Variants in GABRG3 observed in about 807,000 individuals in gnomAD.
GABRG3 encodes gamma-aminobutyric acid type A receptor subunit gamma3, also known as gamma-aminobutyric acid receptor subunit gamma-3.
Under a neutral mutation model 48.8 loss-of-function variants are expected in GABRG3, and 25 were observed. The ratio of observed to expected loss-of-function variants is 0.51; its 90% CI spans 0.37 to 0.72. The LOEUF (loss-of-function observed/expected upper bound fraction) is 0.72. Among genes scored for constraint, GABRG3 ranks in the 30% least tolerant of loss-of-function variants. The probability of loss-of-function intolerance (pLI) is 0.00; values close to 1 mark genes in which losing one functional copy is unlikely to be tolerated. For missense variants in GABRG3, 394 were observed against 577.9 expected (o/e 0.68, Z 3.26); for synonymous variants, 227 against 217.6 (o/e 1.04, Z -0.38).
At chr15:27,294,634 G>A (rs1891916662) in intron 3 of GABRG3, among the ~76,000 whole-genome samples, 1 of 152,182 alleles carries the variant, frequency 6.6e-6, no homozygotes, top group Admixed American at 6.5e-5. Context: ...CAGGAAGCTT[G>A]TTAGAAAGCA....
intron 5 of GABRG3, among the ~76,000 whole-genome samples, chr15:27,379,445 T>C (rs1895698167): frequency 2.0e-5 from 3 of 152,222 alleles, no homozygotes; most frequent in Admixed American, 6.5e-5. Context: ...AACAAACTAT[T>C]ATCTGTCAGA....
At chr15:27,067,265 G>T (rs1281817975) in intron 3 of GABRG3, among the ~76,000 whole-genome samples, 1 of 152,176 alleles carries the variant, frequency 6.6e-6, no homozygotes, top group African/African-American at 2.4e-5. Context: ...TCAGCTCTCT[G>T]CCTTCTCCTG....
intron 2 of GABRG3, among the ~76,000 whole-genome samples, chr15:27,017,180 C>G (rs916643575): frequency 2.6e-5 from 4 of 152,190 alleles, no homozygotes; most frequent in African/African-American, 9.6e-5. Context: ...GAAGGACTTT[C>G]ACCAGTCAGC....
intron 3 of GABRG3, among the ~76,000 whole-genome samples, chr15:27,070,834 AG>A (rs1221417741): frequency 6.6e-6 from 1 of 152,214 alleles, no homozygotes; most frequent in Non-Finnish European, 1.5e-5. Flanking sequence ...TTCTGAATTT[AG>A]AAAATGAGAA....
At position 27,128,982 on chromosome 15, in the gene GABRG3, CTA is replaced by C. The variant is rs530328996; in HGVS notation, c.270+102162_270+102163del. Among the ~76,000 whole-genome samples, 49 of 152,086 alleles carry C rather than the reference CTA, an allele frequency of 3.2e-4. 1 individual carries two copies. In the South Asian group the frequency reaches 0.01, roughly 32 times the overall value. Reference sequence around the variant, plus strand: ...TAAGTTCTCACATATTTAGATAAAACTAAAAATAATTTAAGTCAATATTGGAG... The same window carrying C: ...TAAGTTCTCACATATTTAGATAAAACAAAATAATTTAAGTCAATATTGGAG... On this transcript the variant is annotated intron_variant, in intron 3 of 9. Coordinates refer to ENST00000615808, the MANE Select transcript of GABRG3 (RefSeq NM_033223.5).
chr15:27,124,117 A>G (rs1439738483), intron 3 of GABRG3, among the ~76,000 whole-genome samples: 1 of 152,196 alleles, frequency 6.6e-6, no homozygotes, highest in Non-Finnish European at 1.5e-5. Flanking sequence ...AGATCACAGA[A>G]GAATGGTCTG....
chr15:27,515,400 C>T (rs923212967), intron 6 of GABRG3, among the ~76,000 whole-genome samples: 9 of 152,092 alleles, frequency 5.9e-5, no homozygotes, highest in African/African-American at 2.2e-4. Context: ...GCTGGAACTT[C>T]TTTTTATAAA....
At chr15:27,213,821 C>T (rs1232699396) in intron 3 of GABRG3, among the ~76,000 whole-genome samples, 1 of 152,224 alleles carries the variant, frequency 6.6e-6, no homozygotes, top group Non-Finnish European at 1.5e-5. Context: ...CACTGCTCCA[C>T]ATATTCAGCT....
chr15:27,288,654 A>C (rs1450150691), intron 3 of GABRG3, among the ~76,000 whole-genome samples: 1 of 151,794 alleles, frequency 6.6e-6, no homozygotes, highest in Non-Finnish European at 1.5e-5. Context: ...TGGAGGTTGC[A>C]GTGAGTCGAG....
intron 5 of GABRG3, among the ~76,000 whole-genome samples, chr15:27,378,848 A>C (rs563301123): frequency 6.6e-4 from 101 of 152,240 alleles, no homozygotes; most frequent in Non-Finnish European, 9.6e-4. Flanking sequence ...ATTTGTGAAC[A>C]GATTGGAGAG....
At chr15:27,165,853 C>A (rs1338142245) in intron 3 of GABRG3, among the ~76,000 whole-genome samples, 1 of 151,968 alleles carries the variant, frequency 6.6e-6, no homozygotes, top group Non-Finnish European at 1.5e-5. Context: ...TGGTTGCTAG[C>A]CCTAGAGGAA....
chr15:27,444,819 T>C (rs965218615), intron 5 of GABRG3, among the ~76,000 whole-genome samples: 5 of 152,206 alleles, frequency 3.3e-5, no homozygotes, highest in African/African-American at 4.8e-5. Context: ...CATTCATCAA[T>C]TGATGCACAT....
intron 7 of GABRG3, among the ~76,000 whole-genome samples, chr15:27,521,305 T>C (rs1891154455): frequency 6.6e-6 from 1 of 152,108 alleles, no homozygotes; most frequent in South Asian, 2.1e-4. Context: ...CCAAAAAGTC[T>C]GTGCCTAGAA....
At chr15:27,412,965 G>C (rs967066656) in intron 5 of GABRG3, among the ~76,000 whole-genome samples, 1 of 151,958 alleles carries the variant, frequency 6.6e-6, no homozygotes, top group Non-Finnish European at 1.5e-5. Flanking sequence ...AGTTTTCTTT[G>C]CTTCCTGTTT....
At chr15:27,221,227 T>C (rs577932814) in intron 3 of GABRG3, among the ~76,000 whole-genome samples, 8 of 152,102 alleles carry the variant, frequency 5.3e-5, no homozygotes, top group Non-Finnish European at 4.4e-5. Context: ...CAGTGACCTT[T>C]TTTGTAGACA....
chr15:27,474,328 G>C (rs761210948), intron 5 of GABRG3, among the ~76,000 whole-genome samples: 6 of 152,160 alleles, frequency 3.9e-5, no homozygotes, highest in Admixed American at 6.5e-5. Flanking sequence ...TTTCAGGGAA[G>C]TATTACTTAA....
At chr15:27,022,832 G>C (rs1895921227) in intron 2 of GABRG3, among the ~76,000 whole-genome samples, 1 of 152,144 alleles carries the variant, frequency 6.6e-6, no homozygotes. Context: ...CTTCTTCCAG[G>C]ATGAAGACGG....
At chr15:26,993,208 T>C (rs1012215331) in intron 2 of GABRG3, among the ~76,000 whole-genome samples, 27 of 152,092 alleles carry the variant, frequency 1.8e-4, no homozygotes, top group African/African-American at 6.5e-4. Flanking sequence ...AATTCTTTTA[T>C]ATCTGCTCTG....
intron 5 of GABRG3, among the ~76,000 whole-genome samples, chr15:27,339,855 A>G (rs1284881891): frequency 2.0e-5 from 3 of 152,200 alleles, no homozygotes; most frequent in Admixed American, 6.5e-5. Flanking sequence ...TTTGAAGGTC[A>G]TGGCCTTCTC....
Sources: gnomAD v4.1 joint callset for allele counts (sites outside exome capture counted in the v4.1 genomes callset) on GRCh38, gnomAD v4.1.1 for gene constraint, MANE v1.5 for transcripts, NCBI Gene and HGNC (gene_info 2026-07-23, HGNC 2026-07-21) for gene names.